The following EML1 variants were observed in gnomAD, a reference collection of about 807,000 sequenced individuals.
EML1 encodes echinoderm microtubule-associated protein-like 1.
In EML1, 27 loss-of-function variants were observed where a neutral mutation model predicts 110.4. The observed-to-expected ratio is 0.24, with a 90% confidence interval of 0.18 to 0.34. The LOEUF is 0.34. Among genes scored for constraint, EML1 ranks in the 10% least tolerant of loss-of-function variants. The pLI is 1.00. For synonymous variants in EML1, 344 were observed against 385.8 expected (o/e 0.89, Z 1.27); for missense variants, 741 against 1,030.9 (o/e 0.72, Z 3.85).
At chr14:99,868,573 C>T (rs1213282091) in intron 3 of EML1, among the ~76,000 whole-genome samples, 1 of 151,988 alleles carries the variant, frequency 6.6e-6, no homozygotes, top group Non-Finnish European at 1.5e-5. Context: ...TATCCATTTG[C>T]TCTAGGTCAC....
intron 1 of EML1, among the ~76,000 whole-genome samples, chr14:99,740,552 G>T (rs182994331): frequency 6.6e-6 from 1 of 152,292 alleles, no homozygotes; most frequent in African/African-American, 2.4e-5. Flanking sequence ...TGGATTTATG[G>T]CCCTGTGCCT....
intron 1 of EML1, among the ~76,000 whole-genome samples, chr14:99,744,470 CAG>C (rs1479455859): frequency 2.0e-5 from 3 of 152,220 alleles, no homozygotes; most frequent in South Asian, 2.1e-4. Context: ...GGCCAGAGGA[CAG>C]AGTGTGTCTC....
At chr14:99,842,027 T>TAAA (rs3994954) in intron 1 of EML1, among the ~76,000 whole-genome samples, 20 of 151,872 alleles carry the variant, frequency 1.3e-4, no homozygotes, top group Non-Finnish European at 1.5e-4. Flanking sequence ...GACAAGAATG[T>TAAA]AAAAACTTGG....
At chr14:99,891,916 T>C (rs2059594240) in intron 5 of EML1, among the ~76,000 whole-genome samples, 1 of 152,222 alleles carries the variant, frequency 6.6e-6, no homozygotes, top group Non-Finnish European at 1.5e-5. Context: ...TGTGCTTTAG[T>C]GTTCATTTCA....
At chr14:99,771,683 G>A (rs1566857911), upstream of EML1, among the ~76,000 whole-genome samples, 1 of 152,162 alleles carries the variant, frequency 6.6e-6, no homozygotes, top group Non-Finnish European at 1.5e-5. Flanking sequence ...ATGGTGGTGT[G>A]TGCCTGCAGT....
intron 17 of EML1, among the ~76,000 whole-genome samples, chr14:99,931,881 C>T (rs769811536): frequency 8.5e-5 from 13 of 152,180 alleles, no homozygotes; most frequent in South Asian, 2.1e-4. Context: ...GCCGTCTTGC[C>T]GGGCAGTCGT....
chr14:99,747,642 C>T (rs1416110204), intron 1 of EML1, among the ~76,000 whole-genome samples: 1 of 152,194 alleles, frequency 6.6e-6, no homozygotes, highest in African/African-American at 2.4e-5. Context: ...GGCTGGGCTG[C>T]GCCTTAGGAA....
chr14:99,935,566 G>A (rs565612703), intron 17 of EML1, among the ~76,000 whole-genome samples: 2 of 151,940 alleles, frequency 1.3e-5, no homozygotes, highest in African/African-American at 4.8e-5. Flanking sequence ...GGCGGATCAC[G>A]AGGTCACGAG....
intron 3 of EML1, among the ~76,000 whole-genome samples, chr14:99,867,089 C>T (rs973259933): frequency 1.1e-4 from 17 of 152,114 alleles, no homozygotes; most frequent in African/African-American, 3.9e-4. Flanking sequence ...TCTCTCCCAC[C>T]CTCCTTTTGG....
intron 10 of EML1, among the ~76,000 whole-genome samples, chr14:99,908,386 A>C: frequency 6.6e-6 from 1 of 152,170 alleles, no homozygotes; most frequent in Non-Finnish European, 1.5e-5. Context: ...TCGAATTCAG[A>C]TTTCTCATCT....
chr14:99,793,947 C>G (rs1465681996), intron 1 of EML1, among the ~76,000 whole-genome samples: 1 of 152,064 alleles, frequency 6.6e-6, no homozygotes, highest in Non-Finnish European at 1.5e-5. Context: ...GGATGAAGAA[C>G]TCGGGAAACA....
In EML1 at chr14:99,803,115, G is replaced by A. The variant is rs146219694; in HGVS notation, c.67+9572G>A. On this transcript the variant is annotated intron_variant, in intron 1 of 21. Coordinates refer to ENST00000262233, the MANE Select transcript of EML1 (RefSeq NM_004434.3). ...CCTCTGGGCAGACTTTCCTGGGATC[G>A]TCTCTGTGTCTTTTGCACCTCAGCA... Among the ~76,000 whole-genome samples the A allele has an allele frequency of 5.8e-3, 880 of 152,238 alleles. 9 individuals are homozygous for A. The highest frequency in any genetic ancestry group is 0.02 in the African/African-American group (826 of 41,542).
chr14:99,765,135 C>T (rs2057354890), intron 1 of EML1, among the ~76,000 whole-genome samples: 1 of 152,004 alleles, frequency 6.6e-6, no homozygotes, highest in Non-Finnish European at 1.5e-5. Flanking sequence ...GAGGTGGGGT[C>T]TTCTTATGTT....
At chr14:99,929,063 T>C (rs1419134630) in intron 17 of EML1, among the ~76,000 whole-genome samples, 1 of 152,246 alleles carries the variant, frequency 6.6e-6, no homozygotes, top group Non-Finnish European at 1.5e-5. Context: ...CAGCGCCTGC[T>C]AACTTGAGCA....
At chr14:99,791,465 T>C (rs57036176), upstream of EML1, among the ~76,000 whole-genome samples, 14,936 of 152,234 alleles carry the variant, frequency 0.098, 1,093 homozygotes, top group African/African-American at 0.21. Context: ...CCCTGTCCGA[T>C]TTTCTATTCT....
rs886773389 is a variant in EML1 at position 99,936,189 on chromosome 14, C to A, written c.2008-58C>A. 6.2e-7 allele frequency: 1 copy of A among 1,612,078 alleles called. No homozygotes were observed. Among genetic ancestry groups the A allele is most frequent in the African/African-American group, 1.3e-5 (1 of 74,978 alleles). On this transcript the variant is annotated intron_variant, in intron 18 of 21. Transcript: ENST00000262233. The surrounding 1 kb of genome is among the most constrained non-coding windows in gnomAD (Gnocchi z 5.5). ...TGCGTATAGTTTAACTACCGTGGAA[C>A]AGTGTTGGCAGGGACTTCTAAGGCC...
At chr14:99,923,328 A>G (rs1291235765) in intron 17 of EML1, among the ~76,000 whole-genome samples, 1 of 152,186 alleles carries the variant, frequency 6.6e-6, no homozygotes, top group Non-Finnish European at 1.5e-5. Flanking sequence ...TTTGTGGATC[A>G]TGCCTTTGGG....
At chr14:99,758,595 C>T (rs2057281910) in intron 1 of EML1, among the ~76,000 whole-genome samples, 1 of 152,174 alleles carries the variant, frequency 6.6e-6, no homozygotes. Context: ...AGCCCCAGGC[C>T]TGCCCAGAGT....
At chr14:99,852,440 C>A (rs936263496) in intron 2 of EML1, among the ~76,000 whole-genome samples, 1 of 152,140 alleles carries the variant, frequency 6.6e-6, no homozygotes, top group African/African-American at 2.4e-5. Flanking sequence ...CATAGTGAGA[C>A]CTCATCCCTA....
Sources: gnomAD v4.1 joint callset for allele counts (sites outside exome capture counted in the v4.1 genomes callset) on GRCh38, gnomAD v4.1.1 for gene constraint, Gnocchi (gnomAD v3.1) non-coding constraint, MANE v1.5 for transcripts, NCBI Gene and HGNC (gene_info 2026-07-23, HGNC 2026-07-21) for gene names.